The following DDX10 variants were observed in gnomAD, a reference collection of about 807,000 sequenced individuals.
DDX10 encodes the protein probable ATP-dependent RNA helicase DDX10.
DDX10 carries 74 observed loss-of-function variants against 104.3 expected under a neutral mutation model. The ratio of observed to expected loss-of-function variants is 0.71; its 90% CI spans 0.59 to 0.86. The LOEUF (loss-of-function observed/expected upper bound fraction) is 0.86, where lower values mean the gene tolerates loss of function less well. Among genes scored for constraint, DDX10 ranks in the 40% least tolerant of loss-of-function variants. The pLI is 0.00. For synonymous variants in DDX10, 351 were observed against 353.4 expected, an observed-to-expected ratio of 0.99 and a Z score of 0.08; for missense variants, 952 against 1,040.0, an observed-to-expected ratio of 0.92 and a Z score of 1.16.
At chr11:108,925,758 T>C (rs752290209) in intron 17 of DDX10, among the ~76,000 whole-genome samples, 2 of 152,186 alleles carry the variant, frequency 1.3e-5, no homozygotes, top group Non-Finnish European at 2.9e-5. Flanking sequence ...TTCGCTATTG[T>C]AAGTAATTTT....
At chr11:108,873,745 C>T (rs1863113535) in intron 16 of DDX10, among the ~76,000 whole-genome samples, 1 of 152,180 alleles carries the variant, frequency 6.6e-6, no homozygotes, top group Admixed American at 6.5e-5. Context: ...ACTGTCTAGG[C>T]ATTTTGTTTG....
chr11:108,928,832 T>A (rs1308458063), intron 17 of DDX10, among the ~76,000 whole-genome samples: 1 of 152,226 alleles, frequency 6.6e-6, no homozygotes, highest in Non-Finnish European at 1.5e-5. Context: ...TAAATGAGTA[T>A]ATACATTGAT....
At chr11:108,743,435 A>C (rs2094327710) in intron 13 of DDX10, among the ~76,000 whole-genome samples, 1 of 152,202 alleles carries the variant, frequency 6.6e-6, no homozygotes, top group African/African-American at 2.4e-5. Flanking sequence ...GAATGGACAA[A>C]AGCTGGACAC....
At chr11:108,824,428 T>A (rs1331137384) in intron 13 of DDX10, among the ~76,000 whole-genome samples, 1 of 152,232 alleles carries the variant, frequency 6.6e-6, no homozygotes, top group African/African-American at 2.4e-5. Context: ...ACACAAGTTA[T>A]CTTTACTTTT....
chr11:108,719,618 T>G (rs2094295791), intron 11 of DDX10, among the ~76,000 whole-genome samples, 179 bp from the exon 12 acceptor site: 1 of 152,214 alleles, frequency 6.6e-6, no homozygotes, highest in South Asian at 2.1e-4. Context: ...AAAGTTTTTT[T>G]CTAATATTAC....
intron 13 of DDX10, among the ~76,000 whole-genome samples, chr11:108,725,979 T>TAC (rs1418706566): frequency 6.6e-6 from 1 of 151,972 alleles, no homozygotes; most frequent in Non-Finnish European, 1.5e-5. Context: ...AGGGTCAAGG[T>TAC]ACACTTTTTT....
Position 108,907,263 on chromosome 11 carries a change from C to T in DDX10, c.2305-10610C>T, listed in dbSNP as rs146548945. Among the ~76,000 whole-genome samples the T allele has an allele frequency of 7.9e-5, 12 of 151,606 alleles. No homozygotes were observed. The East Asian group carries it at 2.1e-3, about 27-fold the overall frequency. On this transcript the variant is annotated intron_variant, in intron 16 of 17. Transcript: ENST00000322536. ...CAGGACCAATTCTGTACTGAGGTGG[C>T]GTTTGTCTGAATTTACCTGTTTGTT...
At chr11:108,838,969 A>C (rs776284515) in intron 14 of DDX10, among the ~76,000 whole-genome samples, 2 of 152,326 alleles carry the variant, frequency 1.3e-5, no homozygotes, top group Non-Finnish European at 2.9e-5. Flanking sequence ...CTGTACTTGC[A>C]TATATCTTGC....
chr11:108,724,333 T>C (rs917803572), intron 13 of DDX10, among the ~76,000 whole-genome samples: 1 of 152,058 alleles, frequency 6.6e-6, no homozygotes, highest in Non-Finnish European at 1.5e-5. Flanking sequence ...ATATGTGTTA[T>C]GTGTTAGTCA....
rs138860037 is a variant in DDX10, at chr11:108,675,072, C to T, written c.248-524C>T. Among the ~76,000 whole-genome samples the T allele has an allele frequency of 2.8e-3, 419 of 150,106 alleles. 2 individuals are homozygous for T. Among genetic ancestry groups the T allele is most frequent in the African/African-American group, 9.0e-3 (363 of 40,514 alleles). On this transcript the variant is annotated intron_variant, in intron 2 of 17. Coordinates refer to ENST00000322536, the MANE Select transcript of DDX10 (RefSeq NM_004398.4). ...AATAACAGGATTTCCTTTTTAAAGG[C>T]TGAGTCATATTCCATTTGTGTGTGT...
intron 13 of DDX10, among the ~76,000 whole-genome samples, chr11:108,769,579 T>A (rs1387249195): frequency 6.6e-6 from 1 of 152,194 alleles, no homozygotes; most frequent in African/African-American, 2.4e-5. Flanking sequence ...ATATAAACTC[T>A]TGTGTTTTGT....
At chr11:108,810,155 A>G (rs2134567021) in intron 13 of DDX10, among the ~76,000 whole-genome samples, 1 of 152,266 alleles carries the variant, frequency 6.6e-6, no homozygotes, top group East Asian at 1.9e-4. Context: ...ATAATATAAT[A>G]AGTGTTCAAA....
intron 13 of DDX10, among the ~76,000 whole-genome samples, chr11:108,809,550 G>A (rs1325918928): frequency 6.6e-6 from 1 of 152,192 alleles, no homozygotes; most frequent in Non-Finnish European, 1.5e-5. Flanking sequence ...TACCAATAAA[G>A]GTGAAGGTAA....
At chr11:108,855,175 A>G (rs1194745478) in intron 16 of DDX10, among the ~76,000 whole-genome samples, 1 of 152,228 alleles carries the variant, frequency 6.6e-6, no homozygotes, top group African/African-American at 2.4e-5. Context: ...TATGACCTAC[A>G]GATTTTAAAC....
chr11:108,796,379 G>C (rs1417988995), intron 13 of DDX10, among the ~76,000 whole-genome samples: 1 of 152,164 alleles, frequency 6.6e-6, no homozygotes, highest in African/African-American at 2.4e-5. Context: ...GCAAACATAT[G>C]CTTTTGGGGA....
At chr11:108,717,590 G>T (rs545584498) in intron 11 of DDX10, among the ~76,000 whole-genome samples, 46 of 152,326 alleles carry the variant, frequency 3.0e-4, no homozygotes, top group African/African-American at 1.0e-3. Context: ...GGTATTACAA[G>T]CGTGAACCAC....
intron 13 of DDX10, among the ~76,000 whole-genome samples, chr11:108,814,551 T>C (rs1862228598): frequency 6.6e-6 from 1 of 152,170 alleles, no homozygotes; most frequent in Non-Finnish European, 1.5e-5. Flanking sequence ...GGAGACTGAA[T>C]GCAATAAAAA....
chr11:108,706,690 A>G, intron 9 of DDX10, 49 bp from the exon 10 acceptor site: 1 of 1,399,484 alleles, frequency 7.1e-7, no homozygotes, highest in Non-Finnish European at 1.0e-6. Context: ...TTAAAATGTA[A>G]AATGCAGATT....
At chr11:108,924,864 TA>T (rs1463627978) in intron 17 of DDX10, among the ~76,000 whole-genome samples, 2 of 152,194 alleles carry the variant, frequency 1.3e-5, no homozygotes, top group East Asian at 3.8e-4. Flanking sequence ...GGTGATTGTT[TA>T]AAAAAACTAC....
Sources: allele counts gnomAD v4.1 joint callset (sites outside exome capture counted in the v4.1 genomes callset), GRCh38; gene constraint gnomAD v4.1.1; transcripts MANE v1.5; gene names NCBI Gene and HGNC (gene_info 2026-07-23, HGNC 2026-07-21).